The following CDKAL1 variants were observed in gnomAD, a reference collection of about 807,000 sequenced individuals.
CDKAL1 encodes CDKAL1 threonylcarbamoyladenosine tRNA methylthiotransferase.
Under a neutral mutation model 68.2 loss-of-function variants are expected in CDKAL1, and 32 were observed. That is an observed-to-expected ratio of 0.47 (90% CI 0.35 to 0.63). CDKAL1 has a LOEUF of 0.63. Among genes scored for constraint, CDKAL1 ranks in the 30% least tolerant of loss-of-function variants. The pLI is 0.00. For missense variants in CDKAL1, 606 were observed against 696.7 expected (o/e 0.87, Z 1.47); for synonymous variants, 234 against 244.3 (o/e 0.96, Z 0.39).
At chr6:20,931,876 A>G (rs1284862497) in intron 9 of CDKAL1, among the ~76,000 whole-genome samples, 1 of 152,206 alleles carries the variant, frequency 6.6e-6, no homozygotes, top group Non-Finnish European at 1.5e-5. Flanking sequence ...TAAGGAGTAG[A>G]AATTCAGAAA....
rs183385774 is a variant in CDKAL1, at chr6:20,864,491, T to G, written c.742+18313T>G. Reference sequence around the variant, plus strand: ...CTGATAGTGAAATGATGTTTACATTTTACATATTCTACTATGAATTCTGGA... The same window carrying G: ...CTGATAGTGAAATGATGTTTACATTGTACATATTCTACTATGAATTCTGGA... On this transcript the variant is annotated intron_variant, in intron 9 of 15. Transcript: ENST00000274695. 3.0e-4 allele frequency among the ~76,000 whole-genome samples: 45 copies of G among 152,278 alleles called. No homozygotes were observed. The East Asian group carries it at 7.3e-3, about 25-fold the overall frequency.
At chr6:20,864,542 T>C (rs1206246140) in intron 9 of CDKAL1, among the ~76,000 whole-genome samples, 2 of 152,200 alleles carry the variant, frequency 1.3e-5, no homozygotes, top group African/African-American at 4.8e-5. Context: ...ATTTGTGATT[T>C]CTAACTGTGA....
rs3061573 is a variant in CDKAL1 at position 21,016,612 on chromosome 6, TCATCCATCCATC to T, written c.1055+16289_1055+16300del. Among the ~76,000 whole-genome samples the T allele has an allele frequency of 6.1e-3, 878 of 144,094 alleles. 3 individuals are homozygous for T. The highest frequency in any genetic ancestry group is 0.016 in the African/African-American group (620 of 38,296). 94.5% of individuals were successfully genotyped at this position (144,094 alleles called of 152,430 possible). On this transcript the variant is annotated intron_variant, in intron 11 of 15. Transcript: ENST00000274695. Reference sequence around the variant, plus strand: ...TCAATTCTGTCCCCACGCCTTCCATTCATCCATCCATCCATCCATCCATCCATCCATCCATCC... The same window carrying T: ...TCAATTCTGTCCCCACGCCTTCCATTCATCCATCCATCCATCCATCCATCC...
At chr6:20,785,787 A>G (rs956495620) in intron 8 of CDKAL1, among the ~76,000 whole-genome samples, 1 of 152,180 alleles carries the variant, frequency 6.6e-6, no homozygotes. Flanking sequence ...TTCACTTTCC[A>G]TAAATTTTTC....
chr6:20,802,306 C>CAATAATAATAAT (rs1233008970), intron 8 of CDKAL1, among the ~76,000 whole-genome samples: 5 of 98,436 alleles, frequency 5.1e-5, no homozygotes, highest in South Asian at 3.3e-4. Flanking sequence ...CAAAAAACAA[C>CAATAATAATAAT]AACAACAACA....
chr6:21,099,121 T>C (rs7744319), intron 12 of CDKAL1, among the ~76,000 whole-genome samples: 107,160 of 152,032 alleles, frequency 0.7, 38,437 homozygotes, highest in East Asian at 0.94. Flanking sequence ...TTAGAATATC[T>C]GGCACTGGAA....
At chr6:20,623,915 A>G (rs913432812) in intron 4 of CDKAL1, among the ~76,000 whole-genome samples, 2 of 152,072 alleles carry the variant, frequency 1.3e-5, no homozygotes, top group African/African-American at 4.8e-5. Flanking sequence ...TAGAATCCTT[A>G]TAAAGATTGA....
chr6:20,710,726 G>A (rs1459176096), intron 5 of CDKAL1, among the ~76,000 whole-genome samples: 8 of 152,148 alleles, frequency 5.3e-5, no homozygotes, highest in African/African-American at 1.9e-4. Context: ...AATATAAAAG[G>A]TAATGTGCAT....
At chr6:20,934,141 T>C (rs1439234985) in intron 9 of CDKAL1, among the ~76,000 whole-genome samples, 1 of 152,270 alleles carries the variant, frequency 6.6e-6, no homozygotes, top group East Asian at 1.9e-4. Flanking sequence ...GCAATATGAT[T>C]GAAGGCATGG....
intron 3 of CDKAL1, among the ~76,000 whole-genome samples, chr6:20,547,133 T>G (rs977112792): frequency 1.3e-5 from 2 of 152,210 alleles, no homozygotes; most frequent in Non-Finnish European, 2.9e-5. Context: ...ACTCAAAAAG[T>G]TTCAGATTTT....
At chr6:21,121,150 G>C (rs1774690734) in intron 13 of CDKAL1, among the ~76,000 whole-genome samples, 1 of 152,070 alleles carries the variant, frequency 6.6e-6, no homozygotes, top group African/African-American at 2.4e-5. Context: ...TTCCCTATTA[G>C]GGAAACAAAG....
intron 6 of CDKAL1, among the ~76,000 whole-genome samples, chr6:20,747,757 AAT>A (rs1165963491): frequency 5.9e-5 from 9 of 152,296 alleles, no homozygotes; most frequent in Non-Finnish European, 1.2e-4. Flanking sequence ...ATGGTTTGCA[AAT>A]ATTTTCTCCC....
intron 10 of CDKAL1, among the ~76,000 whole-genome samples, chr6:20,998,535 C>T (rs911010462): frequency 4.0e-5 from 6 of 151,596 alleles, no homozygotes; most frequent in East Asian, 2.0e-4. Context: ...CACTTGAACC[C>T]GGGAGGTGGA....
chr6:21,192,868 GCAGCTGTGCA>G (rs1778314291), intron 13 of CDKAL1, among the ~76,000 whole-genome samples: 2 of 142,648 alleles, frequency 1.4e-5, no homozygotes, highest in South Asian at 2.2e-4. Context: ...AGGCTAGAAT[GCAGCTGTGCA>G]ATCATAGCTC....
At chr6:20,794,343 G>T (rs1038542784) in intron 8 of CDKAL1, among the ~76,000 whole-genome samples, 4 of 152,070 alleles carry the variant, frequency 2.6e-5, no homozygotes, top group African/African-American at 9.7e-5. Context: ...TGGATAGATA[G>T]TAGAGTAGCA....
At chr6:21,179,791 T>G (rs1245838450) in intron 13 of CDKAL1, among the ~76,000 whole-genome samples, 1 of 152,166 alleles carries the variant, frequency 6.6e-6, no homozygotes, top group African/African-American at 2.4e-5. Context: ...CTCAGCACTT[T>G]GGTAGGCTGC....
At chr6:20,793,375 G>A (rs748885232) in intron 8 of CDKAL1, among the ~76,000 whole-genome samples, 4 of 152,078 alleles carry the variant, frequency 2.6e-5, no homozygotes, top group African/African-American at 4.8e-5. Context: ...TTGACACATT[G>A]CACGCATCTT....
chr6:20,721,324 G>A (rs937785605), intron 5 of CDKAL1, among the ~76,000 whole-genome samples: 7 of 152,092 alleles, frequency 4.6e-5, no homozygotes, highest in Non-Finnish European at 8.8e-5. Flanking sequence ...GTATTCCATG[G>A]CTTTTATGTG....
intron 7 of CDKAL1, among the ~76,000 whole-genome samples, chr6:20,761,759 T>G (rs1160288657): frequency 6.6e-6 from 1 of 152,178 alleles, no homozygotes; most frequent in Non-Finnish European, 1.5e-5. Flanking sequence ...TGTCAGTGAT[T>G]AGAGAGTAGG....
Sources: allele counts gnomAD v4.1 joint callset (sites outside exome capture counted in the v4.1 genomes callset), GRCh38; gene constraint gnomAD v4.1.1; transcripts MANE v1.5; gene names NCBI Gene and HGNC (gene_info 2026-07-23, HGNC 2026-07-21).